The following LINC02747 variants were observed in gnomAD, a reference collection of about 807,000 sequenced individuals.
The protein encoded by LINC02747 is long independently transcribed non-coding RNA 2747.
At chr11:69,475,997 C>A (rs183978828) in exon 2 of LINC02747, 2 of 152,216 alleles carry the variant, frequency 1.3e-5, no homozygotes, top group African/African-American at 2.4e-5. Flanking sequence ...TGCAGGGGAC[C>A]CCTGGGTGGG....
At chr11:69,480,157 G>A (rs865978486) in intron 1 of LINC02747, among the ~76,000 whole-genome samples, 6 of 152,264 alleles carry the variant, frequency 3.9e-5, no homozygotes, top group Admixed American at 6.5e-5. Flanking sequence ...ACAAAGAGGC[G>A]TTCCCTGGCT....
At chr11:69,477,971 C>T (rs1281996655) in intron 1 of LINC02747, among the ~76,000 whole-genome samples, 1 of 152,142 alleles carries the variant, frequency 6.6e-6, no homozygotes, top group Non-Finnish European at 1.5e-5. Flanking sequence ...GGGGATGGGG[C>T]GAGGAACAGT....
chr11:69,480,313 C>T (rs533023451), intron 1 of LINC02747, among the ~76,000 whole-genome samples: 7 of 152,294 alleles, frequency 4.6e-5, no homozygotes, highest in Non-Finnish European at 1.0e-4. Flanking sequence ...CCCAGGACCC[C>T]GTCAGCTTCC....
chr11:69,477,909 T>A (rs1351296752), intron 1 of LINC02747, among the ~76,000 whole-genome samples: 1 of 151,920 alleles, frequency 6.6e-6, no homozygotes, highest in African/African-American at 2.4e-5. Context: ...TCCAGGACGA[T>A]CAGAGCATCC....
exon 2 of LINC02747, chr11:69,475,943 T>A (rs1306595974): frequency 6.6e-6 from 1 of 152,274 alleles, no homozygotes; most frequent in Non-Finnish European, 1.5e-5. Context: ...CAGGCTCTAA[T>A]GCACCCAAAC....
chr11:69,478,982 C>T (rs1192989005), intron 1 of LINC02747, among the ~76,000 whole-genome samples: 7 of 146,962 alleles, frequency 4.8e-5, no homozygotes, highest in Admixed American at 3.4e-4. Context: ...GGGCCAGGTG[C>T]GGTGGCTCAC....
intron 1 of LINC02747, among the ~76,000 whole-genome samples, chr11:69,480,105 C>T (rs1162392598): frequency 7.2e-5 from 11 of 152,236 alleles, no homozygotes; most frequent in East Asian, 1.9e-4. Context: ...GCCCCAGTTG[C>T]GGCTGGCTCA....
chr11:69,480,459 A>AT (rs1221789415), intron 1 of LINC02747, among the ~76,000 whole-genome samples: 4 of 152,192 alleles, frequency 2.6e-5, no homozygotes, highest in Non-Finnish European at 5.9e-5. Context: ...CTGGAAAAAA[A>AT]ATTGCTCAGA....
chr11:69,478,689 G>A (rs930068771), intron 1 of LINC02747, among the ~76,000 whole-genome samples: 1 of 151,940 alleles, frequency 6.6e-6, no homozygotes, highest in Admixed American at 6.6e-5. Context: ...ACAAAAATTA[G>A]CCTGGTGTGG....
chr11:69,480,160 C>T lies in LINC02747; in HGVS notation n.120+1266G>A, dbSNP rs78298386. Reference sequence around the variant, plus strand: ...CTGGGCACCAAGACAAAGAGGCGTTCCCTGGCTGCCTTGGCCTCCTCTCTC... The same window carrying T: ...CTGGGCACCAAGACAAAGAGGCGTTTCCTGGCTGCCTTGGCCTCCTCTCTC... On this transcript the variant is annotated intron_variant and non_coding_transcript_variant, in intron 1 of 1. Coordinates refer to ENST00000645449, the Ensembl canonical transcript of LINC02747. Among the ~76,000 whole-genome samples the T allele has an allele frequency of 3.2e-3, 485 of 152,262 alleles. 3 individuals carry two copies. The highest frequency in any genetic ancestry group is 0.011 in the African/African-American group (461 of 41,564).
Position 69,480,211 on chromosome 11 carries a change from G to A in LINC02747, n.120+1215C>T, listed in dbSNP as rs575603875. On this transcript the variant is annotated intron_variant and non_coding_transcript_variant, in intron 1 of 1. Transcript: ENST00000645449. ...CCAGGGGAAGGCAGGGTGACATGGC[G>A]AGCCTGGGCCACACAGTGAGCCCAG... 5.9e-5 allele frequency among the ~76,000 whole-genome samples: 9 copies of A among 152,238 alleles called. No homozygotes were observed. In the South Asian group the frequency reaches 6.2e-4, roughly 11 times the overall value.
At chr11:69,479,024 G>A (rs187937098) in intron 1 of LINC02747, among the ~76,000 whole-genome samples, 6 of 152,298 alleles carry the variant, frequency 3.9e-5, no homozygotes, top group African/African-American at 1.2e-4. Context: ...GGAGGCTGAA[G>A]CCGGTGTATA....
chr11:69,479,017 G>A (rs1008011149), intron 1 of LINC02747, among the ~76,000 whole-genome samples: 1 of 152,202 alleles, frequency 6.6e-6, no homozygotes, highest in Non-Finnish European at 1.5e-5. Context: ...CACTTTGGGA[G>A]GCTGAAGCCG....
exon 2 of LINC02747, chr11:69,475,700 C>T (rs895456057): frequency 6.6e-6 from 1 of 152,178 alleles, no homozygotes; most frequent in Non-Finnish European, 1.5e-5. Context: ...TGCAGGTGGC[C>T]GTCTTCTTGT....
intron 1 of LINC02747, chr11:69,479,598 C>G (rs1248253709): frequency 6.6e-6 from 1 of 152,248 alleles, no homozygotes; most frequent in African/African-American, 2.4e-5. Context: ...CTCCTCCTTG[C>G]CTGGCTGCCT....
At chr11:69,477,338 A>T (rs1325890434) in exon 2 of LINC02747, 1 of 152,286 alleles carries the variant, frequency 6.6e-6, no homozygotes, top group Non-Finnish European at 1.5e-5. Flanking sequence ...GGCTGAGCAC[A>T]TGAAGGCCTC....
chr11:69,481,479 T>C (rs1224583477), exon 1 of LINC02747: 1 of 152,382 alleles, frequency 6.6e-6, no homozygotes, highest in Non-Finnish European at 1.5e-5. Flanking sequence ...TCCAGGCTGA[T>C]GCAGCTCACT....
chr11:69,478,417 G>A (rs536934381), intron 1 of LINC02747, among the ~76,000 whole-genome samples: 139 of 152,226 alleles, frequency 9.1e-4, no homozygotes, highest in Non-Finnish European at 1.6e-3. Flanking sequence ...CAAGTCCCTG[G>A]GGACCTGCCT....
chr11:69,479,053 G>A (rs570455801), intron 1 of LINC02747, among the ~76,000 whole-genome samples: 4 of 152,088 alleles, frequency 2.6e-5, no homozygotes, highest in East Asian at 1.9e-4. Flanking sequence ...TCAGGAGTTC[G>A]AGACTAGCCT....
Sources: allele counts gnomAD v4.1 joint callset (sites outside exome capture counted in the v4.1 genomes callset), GRCh38; gene constraint gnomAD v4.1.1; transcripts MANE v1.5; gene names NCBI Gene and HGNC (gene_info 2026-07-23, HGNC 2026-07-21).